GBX2: variants seen among roughly 807,000 people sequenced by gnomAD.
GBX2 encodes homeobox protein GBX-2.
In GBX2, 5 loss-of-function variants were observed where a neutral mutation model predicts 22.4. That is an observed-to-expected ratio of 0.22 (90% CI 0.12 to 0.47). The LOEUF (loss-of-function observed/expected upper bound fraction) is 0.47, where lower values mean the gene tolerates loss of function less well. Among genes scored for constraint, GBX2 ranks in the 20% least tolerant of loss-of-function variants. GBX2 has a pLI of 0.99. For synonymous variants in GBX2, 220 were observed against 230.5 expected (o/e 0.95, Z 0.41); for missense variants, 470 against 495.4 (o/e 0.95, Z 0.49).
intron 1 of GBX2, chr2:236,167,140 G>A (rs1415074972): frequency 3.3e-6 from 5 of 1,535,564 alleles, no homozygotes; most frequent in South Asian, 1.2e-5. Context: ...CAACCTACCC[G>A]GAACCCCAGG....
intron 1 of GBX2, 38 bp downstream of exon 1, chr2:236,167,411 C>A: frequency 6.9e-7 from 1 of 1,450,658 alleles, no homozygotes; most frequent in Non-Finnish European, 9.0e-7. Context: ...CCGCCTCCTC[C>A]CGCCCCCTCG....
At chr2:236,164,484 TG>T (rs1368911562), downstream of GBX2, among the ~76,000 whole-genome samples, 1 of 152,074 alleles carries the variant, frequency 6.6e-6, no homozygotes, top group Non-Finnish European at 1.5e-5. Context: ...GGAGTGGGCT[TG>T]GGGACCAGGC....
chr2:236,167,415 C>T (rs2060246715), intron 1 of GBX2, 34 bp downstream of exon 1: 1 of 1,460,248 alleles, frequency 6.8e-7, no homozygotes, highest in African/African-American at 1.5e-5. Context: ...CTCCTCCCGC[C>T]CCCTCGTCCC....
In GBX2 at chr2:236,165,251, C is replaced by T. The variant is rs1002011537; in HGVS notation, c.*663G>A. The T allele has an allele frequency of 5.9e-5, 9 of 151,874 alleles. No individual in the cohort carries two copies. The highest frequency in any genetic ancestry group is 1.9e-4 in the African/African-American group (8 of 41,114). The allele number at this position is 151,874 out of a possible 1,614,324, so 9.4% of individuals were successfully genotyped here. ...GGCCCAGGGATTGGTCTTTTTCCCC[C>T]CCTCTCTCCTTTTTATTATTCACAA... On this transcript the variant is annotated 3_prime_UTR_variant, in exon 2 of 2. Coordinates refer to ENST00000306318, the MANE Select transcript of GBX2 (RefSeq NM_001485.4).
rs2060234709 is a variant in GBX2 at position 236,165,726 on chromosome 2, T to A, written c.*188A>T. 4 of 590,814 alleles carry A rather than the reference T, an allele frequency of 6.8e-6. No homozygotes were observed. The highest frequency in any genetic ancestry group is 9.0e-6 in the Non-Finnish European group (3 of 332,228). 36.6% of individuals were successfully genotyped at this position (590,814 alleles called of 1,614,324 possible). On this transcript the variant is annotated 3_prime_UTR_variant, in exon 2 of 2. Transcript: ENST00000306318. Reference sequence around the variant, plus strand: ...TATAATAAATATTTAGCGTGTCTTCTGGTGTGGCTGTAAGCCCCTTCAAAA... The same window carrying A: ...TATAATAAATATTTAGCGTGTCTTCAGGTGTGGCTGTAAGCCCCTTCAAAA...
rs909765529 is a variant in GBX2, at chr2:236,165,862, C to G, written c.*52G>C. On this transcript the variant is annotated 3_prime_UTR_variant, in exon 2 of 2. Coordinates refer to ENST00000306318, the MANE Select transcript of GBX2 (RefSeq NM_001485.4). ...CAGTGGAGTCCACCATGGGTTCCCTCGGGTGCGGGGGCTTCTCCAGGTGGG... is the reference window on the plus strand; with the variant it reads ...CAGTGGAGTCCACCATGGGTTCCCTGGGGTGCGGGGGCTTCTCCAGGTGGG... 2.5e-5 allele frequency: 37 copies of G among 1,452,776 alleles called. No individual in the cohort carries two copies. The highest frequency in any genetic ancestry group is 3.3e-5 in the Non-Finnish European group (35 of 1,067,458). The allele number at this position is 1,452,776 out of a possible 1,614,324, so 90.0% of individuals were successfully genotyped here.
At position 236,165,851 on chromosome 2, in the gene GBX2, A is replaced by T. The variant is rs1294719316; in HGVS notation, c.*63T>A. ...TGCTTCAAACACAGTGGAGTCCACC[A>T]TGGGTTCCCTCGGGTGCGGGGGCTT... On this transcript the variant is annotated 3_prime_UTR_variant, in exon 2 of 2. Coordinates refer to ENST00000306318, the MANE Select transcript of GBX2 (RefSeq NM_001485.4). The T allele has an allele frequency of 7.4e-7, 1 of 1,342,478 alleles. No homozygotes were observed. Among genetic ancestry groups the T allele is most frequent in the Non-Finnish European group, 1.0e-6 (1 of 969,708 alleles). 83.2% of individuals were successfully genotyped at this position (1,342,478 alleles called of 1,614,324 possible).
chr2:236,163,325 G>T (rs944624236), downstream of GBX2, among the ~76,000 whole-genome samples: 8 of 152,090 alleles, frequency 5.3e-5, no homozygotes, highest in Middle Eastern at 3.2e-3. Flanking sequence ...CGGCCAGCTT[G>T]GGGAGCTCGG....
Position 236,166,320 on chromosome 2 carries a change from G to T in GBX2, c.641C>A (p.Thr214Asn), listed in dbSNP as rs1190170059. ...DVDYSSDDNLTGQAAHKEEDP... is the reference protein window; with the variant it reads ...DVDYSSDDNLNGQAAHKEEDP... ...TTCCTCCTTGTGAGCTGCCTGGCCA[G>T]TCAGATTGTCATCCGAGCTGTAGTC... The change falls in exon 2 of 2, where the codon ACT (threonine) becomes AAT (asparagine). Residue 214 changes from threonine to asparagine, a missense_variant. Coordinates refer to ENST00000306318, the MANE Select transcript of GBX2 (RefSeq NM_001485.4). This position sits in a 1 kb window ranked among gnomAD's most constrained non-coding sequence, Gnocchi z 6.6. 6.2e-7 allele frequency: 1 copy of T among 1,614,010 alleles called. No individual in the cohort carries two copies.
Position 236,165,902 on chromosome 2 carries a change from C to T in GBX2, c.*12G>A. On this transcript the variant is annotated 3_prime_UTR_variant, in exon 2 of 2. Transcript: ENST00000306318. ...CTCCAGGTGGGTGCCAGGCCCTGGCCCTTCTGGACCCTCAGGGCCGGGCCT... is the reference window on the plus strand; with the variant it reads ...CTCCAGGTGGGTGCCAGGCCCTGGCTCTTCTGGACCCTCAGGGCCGGGCCT... The T allele has an allele frequency of 6.3e-7, 1 of 1,597,740 alleles. No individual in the cohort carries two copies. Among genetic ancestry groups the T allele is most frequent in the Non-Finnish European group, 8.5e-7 (1 of 1,171,896 alleles).
At position 236,166,236 on chromosome 2, in the gene GBX2, G is replaced by T. The variant is rs769851621; in HGVS notation, c.725C>A (p.Thr242Lys). 3 of 1,613,554 alleles carry T rather than the reference G, an allele frequency of 1.9e-6. No individual in the cohort carries two copies. Among genetic ancestry groups the T allele is most frequent in the Non-Finnish European group, 2.5e-6 (3 of 1,179,970 alleles). Residue 242 changes from threonine (T) to lysine (K), a missense_variant, in exon 2 of 2, where the codon ACG (threonine) becomes AAG (lysine). Coordinates refer to ENST00000306318, the MANE Select transcript of GBX2 (RefSeq NM_001485.4). This position sits in a 1 kb window ranked among gnomAD's most constrained non-coding sequence, Gnocchi z 6.6. ...CCGCCGCCGGTTCTTGCCCGTAGACGTGGTGCTGCCCGCGGCGCCGCTGCT... is the reference window on the plus strand; with the variant it reads ...CCGCCGCCGGTTCTTGCCCGTAGACTTGGTGCTGCCCGCGGCGCCGCTGCT... ...PPSSGAAGST[T>K]STGKNRRRRT...
chr2:236,163,833 G>A (rs141481181), downstream of GBX2, among the ~76,000 whole-genome samples: 3,492 of 152,272 alleles, frequency 0.023, 131 homozygotes, highest in African/African-American at 0.081. Flanking sequence ...CGGGATCCCG[G>A]CCTTGCGGCC....
chr2:236,161,495 G>A (rs1466340110), downstream of GBX2, among the ~76,000 whole-genome samples: 1 of 152,174 alleles, frequency 6.6e-6, no homozygotes, highest in Admixed American at 6.5e-5. Flanking sequence ...CACCCTAAGG[G>A]CCTAAAATGA....
downstream of GBX2, among the ~76,000 whole-genome samples, chr2:236,164,620 G>C (rs1559317184): frequency 6.6e-6 from 1 of 152,088 alleles, no homozygotes; most frequent in Non-Finnish European, 1.5e-5. Context: ...CCTTGGGGTG[G>C]GGCGGTGCCC....
In GBX2 at chr2:236,165,943, G is replaced by A. The variant is rs1384893315; in HGVS notation, c.1018C>T (p.His340Tyr). Residue 340 changes from histidine (H) to tyrosine (Y), a missense_variant, in exon 2 of 2, where the codon CAT becomes TAT. By Grantham distance (83) the His-to-Tyr change is moderately conservative. Transcript: ENST00000306318. Reference protein sequence around the residue: ...HVSRFAIRSQHQQLEQARP With the variant: ...HVSRFAIRSQYQQLEQARP ...GGCCGGGCCTGTTCTAGCTGCTGAT[G>A]CTGACTTCTGATAGCGAACCTGCTG... The A allele has an allele frequency of 6.2e-7, 1 of 1,614,038 alleles. No homozygotes were observed. Among genetic ancestry groups the A allele is most frequent in the Admixed American group, 1.7e-5 (1 of 60,024 alleles).
chr2:236,164,109 T>A (rs1431182049), downstream of GBX2, among the ~76,000 whole-genome samples: 1 of 152,094 alleles, frequency 6.6e-6, no homozygotes, highest in Non-Finnish European at 1.5e-5. Flanking sequence ...TGGGTGGAGG[T>A]CTTGGTCCCC....
At chr2:236,163,409 G>C (rs1010782341), downstream of GBX2, among the ~76,000 whole-genome samples, 1 of 152,350 alleles carries the variant, frequency 6.6e-6, no homozygotes, top group East Asian at 1.9e-4. Flanking sequence ...TCCCAGGAGC[G>C]GGGCTTCCTG....
chr2:236,161,678 CATGCCTGGGCAG>C (rs2060214565), downstream of GBX2, among the ~76,000 whole-genome samples: 1 of 152,222 alleles, frequency 6.6e-6, no homozygotes, highest in Non-Finnish European at 1.5e-5. Context: ...TCTGGCTGTG[CATGCCTGGGCAG>C]ATGCCTGGGG....
In GBX2 at chr2:236,165,862, C is replaced by A; in HGVS notation, c.*52G>T. On this transcript the variant is annotated 3_prime_UTR_variant, in exon 2 of 2. Transcript: ENST00000306318. Reference sequence around the variant, plus strand: ...CAGTGGAGTCCACCATGGGTTCCCTCGGGTGCGGGGGCTTCTCCAGGTGGG... The same window carrying A: ...CAGTGGAGTCCACCATGGGTTCCCTAGGGTGCGGGGGCTTCTCCAGGTGGG... 6.9e-7 allele frequency: 1 copy of A among 1,452,892 alleles called. No homozygotes were observed. Among genetic ancestry groups the A allele is most frequent in the Middle Eastern group, 1.8e-4 (1 of 5,420 alleles). The allele number at this position is 1,452,892 out of a possible 1,614,324, so 90.0% of individuals were successfully genotyped here.
Sources: gnomAD v4.1 joint callset for allele counts (sites outside exome capture counted in the v4.1 genomes callset) on GRCh38, gnomAD v4.1.1 for gene constraint, Gnocchi (gnomAD v3.1) non-coding constraint, MANE v1.5 for transcripts, NCBI Gene and HGNC (gene_info 2026-07-23, HGNC 2026-07-21) for gene names.